The following RXRB variants were observed in gnomAD, a reference collection of about 807,000 sequenced individuals.
The protein encoded by RXRB is retinoic acid receptor RXR-beta.
Under a neutral mutation model 52.5 loss-of-function variants are expected in RXRB, and 18 were observed. The ratio of observed to expected loss-of-function variants is 0.34; its 90% CI spans 0.24 to 0.51. The LOEUF (loss-of-function observed/expected upper bound fraction) is 0.51. RXRB is among the 20% of genes least tolerant of loss of function. RXRB has a pLI of 0.97. For synonymous variants in RXRB, 233 were observed against 267.1 expected (o/e 0.87, Z 1.25); for missense variants, 455 against 698.2 (o/e 0.65, Z 3.92).
chr6:33,200,508 G>C lies in RXRB; in HGVS notation c.-32C>G. 1 of 1,562,294 alleles carries C rather than the reference G, an allele frequency of 6.4e-7. No individual in the cohort carries two copies. The highest frequency in any genetic ancestry group is 8.7e-7 in the Non-Finnish European group (1 of 1,155,956). On this transcript the variant is annotated 5_prime_UTR_variant, in exon 1 of 10. Coordinates refer to ENST00000374680, the MANE Select transcript of RXRB (RefSeq NM_021976.5). The surrounding 1 kb of genome is among the most constrained non-coding windows in gnomAD (Gnocchi z 6.3). ...TGGCTGAGAGTAGGGATACCGAAGAGGTCCCAGGGATTCCCAAGGATTGAT... is the reference window on the plus strand; with the variant it reads ...TGGCTGAGAGTAGGGATACCGAAGACGTCCCAGGGATTCCCAAGGATTGAT...
chr6:33,194,518 G>A lies in RXRB; in HGVS notation c.*164C>T, dbSNP rs2150657390. 1.5e-6 allele frequency: 1 copy of A among 668,626 alleles called. No individual in the cohort carries two copies. The highest frequency in any genetic ancestry group is 2.5e-5 in the South Asian group (1 of 40,482). 41.4% of individuals were successfully genotyped at this position (668,626 alleles called of 1,614,324 possible). On this transcript the variant is annotated 3_prime_UTR_variant, in exon 10 of 10. Transcript: ENST00000374680. This position sits in a 1 kb window ranked among gnomAD's most constrained non-coding sequence, Gnocchi z 4.1. ...GTATCTGGGGTCCCTTCCAACTTGG[G>A]ATATCAAGCAGATCCCTTGGAGGGT...
In RXRB at chr6:33,195,609, T is replaced by G; in HGVS notation, c.1217A>C (p.Asn406Thr). 6.2e-7 allele frequency: 1 copy of G among 1,612,960 alleles called. No homozygotes were observed. Among genetic ancestry groups the G allele is most frequent in the Non-Finnish European group, 8.5e-7 (1 of 1,180,006 alleles). Residue 406 changes from asparagine to threonine, a missense_variant, in exon 7 of 10, where the codon AAC becomes ACC. This residue lies in a region of RXRB where 115 missense variants were observed against 253.1 expected (regional missense o/e 0.45). Transcript: ENST00000374680. The surrounding 1 kb of genome is among the most constrained non-coding windows in gnomAD (Gnocchi z 8.6). Reference protein sequence around the residue: ...LLATGLHVHRNSAHSAGVGAI... With the variant: ...LLATGLHVHRTSAHSAGVGAI... ...TCCTACTCCTGCTGAATGGGCTGAG[T>G]TGCGGTGCACGTGAAGACCTGTGGC...
At position 33,195,236 on chromosome 6, in the gene RXRB, G is replaced by T. The variant is rs886322781; in HGVS notation, c.1348+127C>A. The T allele has an allele frequency of 1.3e-6, 1 of 792,524 alleles. No individual in the cohort carries two copies. The highest frequency in any genetic ancestry group is 2.1e-6 in the Non-Finnish European group (1 of 465,548). The allele number at this position is 792,524 out of a possible 1,614,324, so 49.1% of individuals were successfully genotyped here. A position where few individuals can be genotyped will look rare whatever the true frequency, so the allele number is the denominator to read the frequency against. ...ATCCGTGGATGTGGGTTTTTCCTCG[G>T]CCAGTTGGGAGATTTCCAGGTTGAG... On this transcript the variant is annotated intron_variant, in intron 8 of 9. Transcript: ENST00000374680. This position sits in a 1 kb window ranked among gnomAD's most constrained non-coding sequence, Gnocchi z 8.6.
Position 33,200,175 on chromosome 6 carries a change from G to A in RXRB, c.235+67C>T. 6.4e-7 allele frequency: 1 copy of A among 1,571,912 alleles called. No individual in the cohort carries two copies. Among genetic ancestry groups the A allele is most frequent in the Non-Finnish European group, 8.7e-7 (1 of 1,153,654 alleles). Reference sequence around the variant, plus strand: ...GCGCAAGGAAAAGAGCACCGGGGGAGGGTGTGGGGGAGGGGTCGCAGATAA... The same window carrying A: ...GCGCAAGGAAAAGAGCACCGGGGGAAGGTGTGGGGGAGGGGTCGCAGATAA... On this transcript the variant is annotated intron_variant, in intron 1 of 9. Transcript: ENST00000374680. This position sits in a 1 kb window ranked among gnomAD's most constrained non-coding sequence, Gnocchi z 6.3.
chr6:33,200,222 C>T lies in RXRB; in HGVS notation c.235+20G>A, dbSNP rs1445985771. The T allele has an allele frequency of 1.2e-6, 2 of 1,603,292 alleles. No individual in the cohort carries two copies. The highest frequency in any genetic ancestry group is 2.2e-5 in the East Asian group (1 of 44,726). On this transcript the variant is annotated intron_variant, in intron 1 of 9. Transcript: ENST00000374680. The surrounding 1 kb of genome is among the most constrained non-coding windows in gnomAD (Gnocchi z 6.3). ...ATAAAGCGGTCACTGGCTCGCCTGC[C>T]CTTCTGCTGGGGCACTCACCCCGCC...
rs187813085 is a variant in RXRB, at chr6:33,199,064, T to C, written c.483+105A>G. On this transcript the variant is annotated intron_variant, in intron 2 of 9. Coordinates refer to ENST00000374680, the MANE Select transcript of RXRB (RefSeq NM_021976.5). ...CCACAGGCCTGACAAGGTTAGAGGA[T>C]TGGAAGGTCAATGGGCCATGGGGAA... The C allele has an allele frequency of 5.9e-4, 456 of 777,498 alleles. 1 individual carries two copies. Among genetic ancestry groups the C allele is most frequent in the Admixed American group, 4.5e-3 (114 of 25,250 alleles). 48.2% of individuals were successfully genotyped at this position (777,498 alleles called of 1,614,324 possible). A position where few individuals can be genotyped will look rare whatever the true frequency, so the allele number is the denominator to read the frequency against.
intron 1 of RXRB, 200 bp from the exon 2 acceptor site, chr6:33,199,616 A>G (rs1774271308): frequency 4.1e-6 from 2 of 491,634 alleles, no homozygotes; most frequent in Non-Finnish European, 7.3e-6. Flanking sequence ...GTCCGATGGT[A>G]GTGGGTTATC....
Position 33,196,579 on chromosome 6 carries a change from T to C in RXRB, c.848A>G (p.Lys283Arg), listed in dbSNP as rs764266349. 3 of 1,609,730 alleles carry C rather than the reference T, an allele frequency of 1.9e-6. No individual in the cohort carries two copies. The highest frequency in any genetic ancestry group is 1.7e-6 in the Non-Finnish European group (2 of 1,178,018). The part of the protein sequence containing the change: ...EAVQEERQRG[K>R]DKDGDGEGAG... ...CCCCTCCCCATCCCCATCCTTGTCC[T>C]TTCCCCGCTGACGCTCCTCCTGTAC... Residue 283 changes from lysine to arginine, a missense_variant, in exon 5 of 10, where the codon AAG (lysine) becomes AGG (arginine). Coordinates refer to ENST00000374680, the MANE Select transcript of RXRB (RefSeq NM_021976.5). The surrounding 1 kb of genome is among the most constrained non-coding windows in gnomAD (Gnocchi z 4.0).
chr6:33,194,887 A>T lies in RXRB; in HGVS notation c.1454+58T>A. 1.9e-6 allele frequency: 3 copies of T among 1,611,300 alleles called. No individual in the cohort carries two copies. Among genetic ancestry groups the T allele is most frequent in the Non-Finnish European group, 2.5e-6 (3 of 1,178,866 alleles). ...CTGGAAGCACACGGGCCCTGAACAC[A>T]TCCTCATAGCACTCCCCACCCCCAA... On this transcript the variant is annotated intron_variant, in intron 9 of 9. Coordinates refer to ENST00000374680, the MANE Select transcript of RXRB (RefSeq NM_021976.5). The surrounding 1 kb of genome is among the most constrained non-coding windows in gnomAD (Gnocchi z 4.1).
Position 33,196,319 on chromosome 6 carries a change from C to A in RXRB, c.993+115G>T. Reference sequence around the variant, plus strand: ...CCTTGTTTGGCAGCACCTCCAGTCCCAAGTAGTGTTAGGAAGGTTATGAGG... The same window carrying A: ...CCTTGTTTGGCAGCACCTCCAGTCCAAAGTAGTGTTAGGAAGGTTATGAGG... On this transcript the variant is annotated intron_variant, in intron 5 of 9. Transcript: ENST00000374680. This position sits in a 1 kb window ranked among gnomAD's most constrained non-coding sequence, Gnocchi z 4.0. 1 of 1,165,586 alleles carries A rather than the reference C, an allele frequency of 8.6e-7. No individual in the cohort carries two copies. The highest frequency in any genetic ancestry group is 1.3e-6 in the Non-Finnish European group (1 of 777,148). 72.2% of individuals were successfully genotyped at this position (1,165,586 alleles called of 1,614,324 possible).
chr6:33,199,087 G>T, intron 2 of RXRB, 82 bp downstream of exon 2: 2 of 1,012,966 alleles, frequency 2.0e-6, no homozygotes, highest in East Asian at 3.1e-5. Context: ...GGGCCATGGG[G>T]AAGTTCACAC....
At position 33,200,311 on chromosome 6, in the gene RXRB, C is replaced by T. The variant is rs1774386435; in HGVS notation, c.166G>A (p.Gly56Arg). 1 of 1,593,492 alleles carries T rather than the reference C, an allele frequency of 6.3e-7. No homozygotes were observed. ...AAAAAAAVAG[G>R]EQQTPEPEPG... ...TCCGGCTCCGGGGTTTGTTGTTCTC[C>T]GCCTGCCACCGCCGCCGCCGCCGCC... Residue 56 changes from glycine to arginine, a missense_variant, in exon 1 of 10, where the codon GGA becomes AGA. Physicochemically the swap from Gly to Arg is moderately radical, Grantham distance 125. Coordinates refer to ENST00000374680, the MANE Select transcript of RXRB (RefSeq NM_021976.5). The surrounding 1 kb of genome is among the most constrained non-coding windows in gnomAD (Gnocchi z 6.3).
intron 1 of RXRB, 35 bp from the exon 2 acceptor site, chr6:33,199,451 C>A: frequency 7.9e-7 from 1 of 1,265,124 alleles, no homozygotes; most frequent in Non-Finnish European, 1.0e-6. Context: ...CACAGACACA[C>A]AAGAGACAGA....
At position 33,200,499 on chromosome 6, in the gene RXRB, T is replaced by C. The variant is rs778599282; in HGVS notation, c.-23A>G. 1.9e-6 allele frequency: 3 copies of C among 1,574,758 alleles called. No homozygotes were observed. Among genetic ancestry groups the C allele is most frequent in the Non-Finnish European group, 2.6e-6 (3 of 1,162,500 alleles). ...CATGATCCCTGGCTGAGAGTAGGGA[T>C]ACCGAAGAGGTCCCAGGGATTCCCA... On this transcript the variant is annotated 5_prime_UTR_variant, in exon 1 of 10. Coordinates refer to ENST00000374680, the MANE Select transcript of RXRB (RefSeq NM_021976.5). The surrounding 1 kb of genome is among the most constrained non-coding windows in gnomAD (Gnocchi z 6.3).
Position 33,196,278 on chromosome 6 carries a change from T to A in RXRB, c.993+156A>T. On this transcript the variant is annotated intron_variant, in intron 5 of 9. Coordinates refer to ENST00000374680, the MANE Select transcript of RXRB (RefSeq NM_021976.5). The surrounding 1 kb of genome is among the most constrained non-coding windows in gnomAD (Gnocchi z 4.0). The stretch of plus-strand genomic sequence containing the variant: ...GACAGAAGGAGCTATCACATCCACC[T>A]CAGATGTTTGAAAGACCTTGTTTGG... 1 of 959,650 alleles carries A rather than the reference T, an allele frequency of 1.0e-6. No individual in the cohort carries two copies. Among genetic ancestry groups the A allele is most frequent in the Non-Finnish European group, 1.7e-6 (1 of 595,486 alleles). The allele number at this position is 959,650 out of a possible 1,614,324, so 59.4% of individuals were successfully genotyped here. A position where few individuals can be genotyped will look rare whatever the true frequency, so the allele number is the denominator to read the frequency against.
chr6:33,199,666 A>G (rs1196663935), intron 1 of RXRB: 1 of 485,120 alleles, frequency 2.1e-6, no homozygotes, highest in Non-Finnish European at 3.8e-6. Context: ...TTGGTATACA[A>G]CCTCCCACTG....
chr6:33,199,801 G>C, intron 1 of RXRB: 1 of 473,170 alleles, frequency 2.1e-6, no homozygotes, highest in South Asian at 1.7e-5. Context: ...CCATTTGAAT[G>C]AATACCAGGT....
upstream of RXRB, chr6:33,200,843 AG>A: frequency 6.7e-7 from 1 of 1,501,130 alleles, no homozygotes; most frequent in Non-Finnish European, 9.0e-7. The surrounding 1 kb of genome is among the most constrained non-coding windows in gnomAD (Gnocchi z 6.3). Flanking sequence ...TAAAGGCATT[AG>A]GGCGAAGGTG....
chr6:33,199,398 C>T lies in RXRB; in HGVS notation c.254G>A (p.Ser85Asn). ...DSGRDSRSPD[S>N]SSPNPLPQGV... Reference sequence around the variant, plus strand: ...CTGGGGAAGGGGATTTGGGGAGGAGCTGTCTGGGCTTCGGGAGTCTGAGGG... The same window carrying T: ...CTGGGGAAGGGGATTTGGGGAGGAGTTGTCTGGGCTTCGGGAGTCTGAGGG... The change falls in exon 2 of 10, where the codon AGC becomes AAC. Residue 85 changes from serine to asparagine, a missense_variant. Physicochemically the swap from Ser to Asn is conservative, Grantham distance 46 (BLOSUM62 1). Coordinates refer to ENST00000374680, the MANE Select transcript of RXRB (RefSeq NM_021976.5). The T allele has an allele frequency of 8.0e-7, 1 of 1,252,176 alleles. No individual in the cohort carries two copies. The highest frequency in any genetic ancestry group is 1.0e-6 in the Non-Finnish European group (1 of 990,094). 77.6% of individuals were successfully genotyped at this position (1,252,176 alleles called of 1,614,324 possible). A position where few individuals can be genotyped will look rare whatever the true frequency, so the allele number is the denominator to read the frequency against.
Sources: gnomAD v4.1 joint callset for allele counts on GRCh38, gnomAD v4.1.1 for gene constraint, gnomAD v4.1.1 regional missense constraint, Gnocchi (gnomAD v3.1) non-coding constraint, MANE v1.5 for transcripts, NCBI Gene and HGNC (gene_info 2026-07-23, HGNC 2026-07-21) for gene names.